Variants in PPP3CC observed in about 807,000 individuals in gnomAD.
PPP3CC encodes protein phosphatase 3 catalytic subunit gamma, also known as serine/threonine-protein phosphatase 2B catalytic subunit gamma isoform.
In PPP3CC, 35 loss-of-function variants were observed where a neutral mutation model predicts 60.3. That is an observed-to-expected ratio of 0.58 (90% CI 0.44 to 0.77). The LOEUF (loss-of-function observed/expected upper bound fraction) is 0.77. Ranked by LOEUF, PPP3CC falls within the 30% of genes least tolerant of loss-of-function variation. PPP3CC has a pLI of 0.00. For synonymous variants in PPP3CC, 206 were observed against 224.3 expected, an observed-to-expected ratio of 0.92 and a Z score of 0.73; for missense variants, 570 against 628.9, an observed-to-expected ratio of 0.91 and a Z score of 1.00.
chr8:22,497,894 A>G, intron 3 of PPP3CC, 107 bp from the exon 4 acceptor site: 1 of 665,304 alleles, frequency 1.5e-6, no homozygotes, highest in South Asian at 2.3e-5. Flanking sequence ...TCAATTTGGG[A>G]GTAACAATGA....
chr8:22,514,685 C>CTT (rs1178058958), intron 6 of PPP3CC, among the ~76,000 whole-genome samples: 1 of 124,088 alleles, frequency 8.1e-6, no homozygotes, highest in South Asian at 2.8e-4. Flanking sequence ...TTTTTTTCAC[C>CTT]TTTTTTTTTT....
chr8:22,504,104 G>T (rs1415400304), intron 4 of PPP3CC, among the ~76,000 whole-genome samples: 2 of 151,904 alleles, frequency 1.3e-5, no homozygotes, highest in Admixed American at 1.3e-4. Context: ...ATAATGCAGA[G>T]ATTTTTTAAA....
At chr8:22,483,321 G>T in intron 3 of PPP3CC, among the ~76,000 whole-genome samples, 1 of 152,052 alleles carries the variant, frequency 6.6e-6, no homozygotes, top group East Asian at 1.9e-4. Flanking sequence ...GAGTCTCGCT[G>T]TGTTGCCCAG....
chr8:22,456,024 G>T (rs576709905), intron 1 of PPP3CC, among the ~76,000 whole-genome samples: 1 of 152,374 alleles, frequency 6.6e-6, no homozygotes, highest in Admixed American at 6.5e-5. Flanking sequence ...GCGTGTTCAT[G>T]ATTGGCAAGG....
At chr8:22,443,304 C>T (rs1377783460) in intron 1 of PPP3CC, among the ~76,000 whole-genome samples, 1 of 152,078 alleles carries the variant, frequency 6.6e-6, no homozygotes, top group African/African-American at 2.4e-5. Flanking sequence ...AGGCAGATCA[C>T]TGAGGTCAGG....
rs144518566 is a variant in PPP3CC at position 22,471,781 on chromosome 8, G to A, written c.50-3173G>A. 2.7e-3 allele frequency among the ~76,000 whole-genome samples: 409 copies of A among 152,186 alleles called. 2 individuals carry two copies. The highest frequency in any genetic ancestry group is 9.4e-3 in the African/African-American group (389 of 41,502). ...TAGGACATTATTGTACACTACTGGA[G>A]ACTTTATAAACTTTATAAACACTGA... On this transcript the variant is annotated intron_variant, in intron 1 of 13. Transcript: ENST00000240139.
chr8:22,523,835 G>A (rs1283509013), intron 8 of PPP3CC: 5 of 220,672 alleles, frequency 2.3e-5, no homozygotes, highest in South Asian at 9.2e-5. Context: ...GGTTTTTCTC[G>A]TGTTGCTGAT....
rs886454473 is a variant in PPP3CC, at chr8:22,492,517, G to A, written c.373-5484G>A. On this transcript the variant is annotated intron_variant, in intron 3 of 13. Transcript: ENST00000240139. The stretch of plus-strand genomic sequence containing the variant: ...TTTTAATTTTGAGCTGCCATCTTGC[G>A]TCCCCATGTGTGTGCACCTAATCTC... 3.4e-5 allele frequency: 10 copies of A among 291,726 alleles called. No individual in the cohort carries two copies. The Admixed American group carries it at 4.3e-4, about 12-fold the overall frequency. 18.1% of individuals were successfully genotyped at this position (291,726 alleles called of 1,614,324 possible).
Position 22,525,839 on chromosome 8 carries a change from T to A in PPP3CC, c.944-1553T>A, listed in dbSNP as rs117576906. On this transcript the variant is annotated intron_variant, in intron 8 of 13. Coordinates refer to ENST00000240139, the MANE Select transcript of PPP3CC (RefSeq NM_005605.5). ...CCTCCCAAAGTGCTGGTATTACAAG[T>A]GTGTGCCACCACACCTGGCCTCTTT... 9.6e-3 allele frequency among the ~76,000 whole-genome samples: 1,444 copies of A among 150,988 alleles called. 15 individuals carry two copies. The highest frequency in any genetic ancestry group is 0.031 in the South Asian group (149 of 4,756).
chr8:22,504,901 T>G (rs574219117), intron 4 of PPP3CC, among the ~76,000 whole-genome samples: 17 of 151,826 alleles, frequency 1.1e-4, no homozygotes, highest in Admixed American at 4.6e-4. Flanking sequence ...TTTTATGTAT[T>G]TATTTATTTA....
chr8:22,534,897 AT>A (rs1839810804), intron 12 of PPP3CC, among the ~76,000 whole-genome samples: 2 of 152,248 alleles, frequency 1.3e-5, no homozygotes, highest in South Asian at 4.1e-4. Flanking sequence ...TTTATATAAT[AT>A]TTAAGAACCA....
chr8:22,453,785 A>G (rs1044962002), intron 1 of PPP3CC, among the ~76,000 whole-genome samples: 4 of 152,266 alleles, frequency 2.6e-5, no homozygotes, highest in Non-Finnish European at 5.9e-5. Flanking sequence ...GGCAACTGTA[A>G]CACAACAGTA....
chr8:22,525,338 A>C, intron 8 of PPP3CC, among the ~76,000 whole-genome samples: 1 of 152,152 alleles, frequency 6.6e-6, no homozygotes, highest in South Asian at 2.1e-4. Context: ...GTTACTCCCC[A>C]TACAAGTGCC....
At chr8:22,516,558 T>TA (rs1458671800) in intron 6 of PPP3CC, among the ~76,000 whole-genome samples, 1 of 152,210 alleles carries the variant, frequency 6.6e-6, no homozygotes, top group Non-Finnish European at 1.5e-5. Context: ...AATCAGTACT[T>TA]ACAGAGGTTT....
chr8:22,467,716 C>T (rs929627036), intron 1 of PPP3CC, among the ~76,000 whole-genome samples: 17 of 152,068 alleles, frequency 1.1e-4, no homozygotes, highest in Admixed American at 4.6e-4. Flanking sequence ...TGTGAGCCAC[C>T]GCCCCCGGCC....
intron 1 of PPP3CC, among the ~76,000 whole-genome samples, chr8:22,467,546 G>C (rs972675616): frequency 6.6e-6 from 1 of 152,026 alleles, no homozygotes; most frequent in Non-Finnish European, 1.5e-5. Context: ...GGGTTCAAGT[G>C]ATTCTCCTGC....
chr8:22,505,865 G>A (rs1015211687), intron 4 of PPP3CC, among the ~76,000 whole-genome samples: 1 of 150,584 alleles, frequency 6.6e-6, no homozygotes, highest in African/African-American at 2.4e-5. Context: ...TGATAACAAT[G>A]TTATTTTCCT....
chr8:22,450,947 G>A (rs1330225124), intron 1 of PPP3CC, among the ~76,000 whole-genome samples: 1 of 149,150 alleles, frequency 6.7e-6, no homozygotes, highest in Non-Finnish European at 1.5e-5. Flanking sequence ...CCATTCTCCT[G>A]CCTCAGCCTC....
intron 1 of PPP3CC, among the ~76,000 whole-genome samples, chr8:22,443,271 C>T (rs1366277373): frequency 6.6e-6 from 1 of 151,990 alleles, no homozygotes; most frequent in Non-Finnish European, 1.5e-5. Flanking sequence ...GCCTGTAACC[C>T]CAGCACTTTG....
Sources: allele counts gnomAD v4.1 joint callset (sites outside exome capture counted in the v4.1 genomes callset), GRCh38; gene constraint gnomAD v4.1.1; transcripts MANE v1.5; gene names NCBI Gene and HGNC (gene_info 2026-07-23, HGNC 2026-07-21).